SLC14A2: variants seen among roughly 807,000 people sequenced by gnomAD.
SLC14A2 encodes the protein solute carrier family 14 member 2.
Under a neutral mutation model 104.6 loss-of-function variants are expected in SLC14A2, and 91 were observed. That is an observed-to-expected ratio of 0.87 (90% confidence interval 0.73 to 1.04). SLC14A2 has a LOEUF of 1.04. Ranked by LOEUF, SLC14A2 falls within the 50% of genes least tolerant of loss-of-function variation. The probability of loss-of-function intolerance (pLI) is 0.00; values close to 1 mark genes in which losing one functional copy is unlikely to be tolerated. For missense variants in SLC14A2, 1,189 were observed against 1,156.0 expected (o/e 1.03, Z -0.41); for synonymous variants, 476 against 466.4 (o/e 1.02, Z -0.27).
Position 45,524,094 on chromosome 18 carries a change from C to T in SLC14A2, c.-35+40772C>T, listed in dbSNP as rs147834547. Among the ~76,000 whole-genome samples, 426 of 152,258 alleles carry T rather than the reference C, an allele frequency of 2.8e-3. 1 individual carries two copies. Among genetic ancestry groups the T allele is most frequent in the Non-Finnish European group, 5.3e-3 (362 of 68,006 alleles). The stretch of plus-strand genomic sequence containing the variant: ...CTTTCCTGGCTATTGTAAGGATTGG[C>T]AGTAACAAGTATAAAGCACCTGGAT... On this transcript the variant is annotated intron_variant, in intron 2 of 20. Coordinates refer to the SLC14A2 transcript ENST00000586448.
chr18:45,464,760 G>A (rs1037513388), intron 1 of SLC14A2, among the ~76,000 whole-genome samples: 4 of 152,180 alleles, frequency 2.6e-5, no homozygotes, highest in African/African-American at 7.2e-5. Flanking sequence ...TCCTGGGCAC[G>A]GCACCAAGTG....
intron 2 of SLC14A2, among the ~76,000 whole-genome samples, chr18:45,494,462 A>T (rs775412464): frequency 2.6e-5 from 4 of 152,160 alleles, no homozygotes; most frequent in Non-Finnish European, 5.9e-5. Flanking sequence ...CAGTGTTGCA[A>T]TCTCGGCTCA....
At chr18:45,199,807 C>T in the SLC14A2 span, among the ~76,000 whole-genome samples, 1 of 152,176 alleles carries the variant, frequency 6.6e-6, no homozygotes, top group Admixed American at 6.5e-5. Context: ...ATTCTCAATG[C>T]TCATACCTTC....
chr18:45,441,723 GT>G (rs1446150291), intron 1 of SLC14A2, among the ~76,000 whole-genome samples: 1 of 152,186 alleles, frequency 6.6e-6, no homozygotes, highest in Non-Finnish European at 1.5e-5. Flanking sequence ...AGCATTTTAG[GT>G]TTAATCTTGG....
intron 1 of SLC14A2, among the ~76,000 whole-genome samples, chr18:45,462,625 T>C (rs2087065951): frequency 6.6e-6 from 1 of 152,176 alleles, no homozygotes; most frequent in Middle Eastern, 3.2e-3. Context: ...ATTTTAATTA[T>C]TTAGTAGGAA....
At chr18:45,449,984 C>G (rs1382615344) in intron 1 of SLC14A2, among the ~76,000 whole-genome samples, 1 of 152,200 alleles carries the variant, frequency 6.6e-6, no homozygotes, top group African/African-American at 2.4e-5. Context: ...TACAGAAACA[C>G]CCAGCTGGCA....
At chr18:45,239,851 T>C (rs1056698611) in intron 1 of SLC14A2, among the ~76,000 whole-genome samples, 3 of 152,194 alleles carry the variant, frequency 2.0e-5, no homozygotes, top group African/African-American at 7.2e-5. Flanking sequence ...GATCTTCATA[T>C]AGAGTGAATG....
intron 1 of SLC14A2, among the ~76,000 whole-genome samples, chr18:45,227,844 C>T (rs1199686379): frequency 1.3e-5 from 2 of 152,210 alleles, no homozygotes; most frequent in Non-Finnish European, 2.9e-5. Context: ...CAGCCCCATT[C>T]TCTTGCTCCT....
chr18:45,274,853 G>C (rs1469027885), intron 1 of SLC14A2, among the ~76,000 whole-genome samples: 1 of 152,212 alleles, frequency 6.6e-6, no homozygotes, highest in East Asian at 1.9e-4. Flanking sequence ...TAGAGAACGT[G>C]ATTTTTGGTG....
intron 3 of SLC14A2, 31 bp from the exon 4 acceptor site, chr18:45,626,927 C>G (rs201885492): frequency 1.0e-4 from 163 of 1,588,728 alleles, no homozygotes; most frequent in Non-Finnish European, 1.4e-4. Flanking sequence ...CAAGCTGGAC[C>G]TGCTGATGGC....
intron 2 of SLC14A2, among the ~76,000 whole-genome samples, chr18:45,554,200 G>GA (rs1211735972): frequency 1.3e-5 from 2 of 152,120 alleles, no homozygotes; most frequent in East Asian, 3.9e-4. Context: ...ATGAGACAAT[G>GA]TGTCACAGTC....
intron 2 of SLC14A2, among the ~76,000 whole-genome samples, chr18:45,566,537 AC>A (rs1329663228): frequency 6.6e-6 from 1 of 151,790 alleles, no homozygotes; most frequent in African/African-American, 2.4e-5. Context: ...ACACACACAC[AC>A]ACACACACAG....
chr18:45,349,743 C>T (rs1339698606), intron 1 of SLC14A2, among the ~76,000 whole-genome samples: 1 of 152,184 alleles, frequency 6.6e-6, no homozygotes, highest in African/African-American at 2.4e-5. Flanking sequence ...TTGTCATCTC[C>T]AGATTATAAA....
At chr18:45,240,652 T>C (rs577184028) in intron 1 of SLC14A2, among the ~76,000 whole-genome samples, 1 of 146,292 alleles carries the variant, frequency 6.8e-6, no homozygotes, top group East Asian at 1.9e-4. Flanking sequence ...TTTTTTTTGT[T>C]TTTGTTTTTG....
intron 10 of SLC14A2, among the ~76,000 whole-genome samples, chr18:45,653,516 C>CCAT (rs1265519887): frequency 1.3e-5 from 2 of 152,078 alleles, no homozygotes; most frequent in Non-Finnish European, 2.9e-5. Flanking sequence ...GATGCATGAC[C>CCAT]CATCATACTC....
chr18:45,531,114 G>C (rs1284094258), intron 2 of SLC14A2, among the ~76,000 whole-genome samples: 2 of 152,112 alleles, frequency 1.3e-5, no homozygotes, highest in East Asian at 3.9e-4. Context: ...GGACATTTGG[G>C]TTGGTTCCAA....
At chr18:45,669,157 G>C in intron 15 of SLC14A2, 149 bp from the exon 16 acceptor site, 3 of 615,076 alleles carry the variant, frequency 4.9e-6, no homozygotes, top group Non-Finnish European at 5.6e-6. Flanking sequence ...GAGGCCCAGG[G>C]AAAGACCTGC....
intron 1 of SLC14A2, among the ~76,000 whole-genome samples, chr18:45,284,534 C>A (rs1486865424): frequency 6.6e-6 from 1 of 151,610 alleles, no homozygotes; most frequent in Non-Finnish European, 1.5e-5. Context: ...AGACCCTGGG[C>A]TCTAGTAGCT....
intron 5 of SLC14A2, 41 bp from the exon 6 acceptor site, chr18:45,636,949 G>A (rs2045425379): frequency 2.0e-6 from 3 of 1,530,650 alleles, no homozygotes; most frequent in Non-Finnish European, 2.7e-6. Context: ...GTAGACCTCA[G>A]GATGTCACAG....
Sources: gnomAD v4.1 joint callset for allele counts (sites outside exome capture counted in the v4.1 genomes callset) on GRCh38, gnomAD v4.1.1 for gene constraint, MANE v1.5 for transcripts, NCBI Gene and HGNC (gene_info 2026-07-23, HGNC 2026-07-21) for gene names.